Variants in CLIC4 observed in about 807,000 individuals in gnomAD.
The protein encoded by CLIC4 is chloride intracellular channel protein 4.
CLIC4 carries 13 observed loss-of-function variants against 24.6 expected under a neutral mutation model. The ratio of observed to expected loss-of-function variants is 0.53; its 90% CI spans 0.34 to 0.84. The LOEUF is 0.84. CLIC4 is among the 40% of genes least tolerant of loss of function. The probability of loss-of-function intolerance (pLI) is 0.01; values close to 1 mark genes in which losing one functional copy is unlikely to be tolerated. For missense variants in CLIC4, 227 were observed against 301.7 expected (o/e 0.75, Z 1.83); for synonymous variants, 104 against 111.3 (o/e 0.93, Z 0.41).
At chr1:24,808,656 G>GATCT (rs1344441893) in intron 2 of CLIC4, among the ~76,000 whole-genome samples, 17 of 149,680 alleles carry the variant, frequency 1.1e-4, no homozygotes, top group African/African-American at 3.4e-4. Context: ...AGAGATGGGA[G>GATCT]ATCTATCTAT....
chr1:24,745,680 GC>G, intron 1 of CLIC4, 55 bp downstream of exon 1: 1 of 1,439,632 alleles, frequency 6.9e-7, no homozygotes, highest in Non-Finnish European at 9.4e-7. Flanking sequence ...CCTCCCGGCT[GC>G]GGGGAGCGGC....
intron 1 of CLIC4, among the ~76,000 whole-genome samples, chr1:24,745,997 GC>G (rs1046847759): frequency 6.6e-6 from 1 of 150,768 alleles, no homozygotes; most frequent in African/African-American, 2.4e-5. Flanking sequence ...GGGCGCCGGG[GC>G]CCGGCCCCAC....
intron 2 of CLIC4, among the ~76,000 whole-genome samples, chr1:24,803,026 A>G (rs1051760223): frequency 2.0e-5 from 3 of 152,084 alleles, no homozygotes; most frequent in Non-Finnish European, 2.9e-5. Context: ...AATCTTTTCT[A>G]TGAGTTTACA....
chr1:24,805,097 A>AC (rs1557807927), intron 2 of CLIC4, among the ~76,000 whole-genome samples: 13 of 143,484 alleles, frequency 9.1e-5, no homozygotes, highest in South Asian at 2.3e-4. Flanking sequence ...AAAAAAAAAA[A>AC]AAAAAAAACA....
intron 3 of CLIC4, among the ~76,000 whole-genome samples, chr1:24,815,344 C>CA (rs959295878): frequency 2.0e-5 from 3 of 151,838 alleles, no homozygotes; most frequent in Non-Finnish European, 2.9e-5. Context: ...CTAAAAAATA[C>CA]AAAAAAAATT....
At chr1:24,765,457 G>A (rs1306263997) in intron 1 of CLIC4, among the ~76,000 whole-genome samples, 1 of 152,182 alleles carries the variant, frequency 6.6e-6, no homozygotes, top group Non-Finnish European at 1.5e-5. Context: ...GAAATAGGTC[G>A]AGAGGGTGAT....
chr1:24,801,526 T>G (rs759406202), intron 2 of CLIC4, among the ~76,000 whole-genome samples: 35 of 152,292 alleles, frequency 2.3e-4, no homozygotes, highest in Non-Finnish European at 4.1e-4. Flanking sequence ...CAATTTGATA[T>G]GAGATTTGGG....
chr1:24,798,613 G>A (rs932632971), intron 2 of CLIC4, among the ~76,000 whole-genome samples: 2 of 152,186 alleles, frequency 1.3e-5, no homozygotes, highest in African/African-American at 2.4e-5. Flanking sequence ...CAAGGGTTAA[G>A]AATAGTTGTA....
intron 1 of CLIC4, among the ~76,000 whole-genome samples, chr1:24,784,835 C>T (rs539785846): frequency 6.6e-6 from 1 of 152,080 alleles, no homozygotes; most frequent in Non-Finnish European, 1.5e-5. Flanking sequence ...GAAACCCCAT[C>T]TCTATTAAAA....
intron 3 of CLIC4, among the ~76,000 whole-genome samples, chr1:24,823,470 C>T (rs1436991465): frequency 6.6e-6 from 1 of 152,020 alleles, no homozygotes; most frequent in Non-Finnish European, 1.5e-5. Flanking sequence ...GTTATTAAAC[C>T]TTTTTTAAAA....
Position 24,842,975 on chromosome 1 carries a change from G to A in CLIC4, c.*2038G>A, listed in dbSNP as rs989254006. 26 of 152,282 alleles carry A rather than the reference G, an allele frequency of 1.7e-4. No homozygotes were observed. Among genetic ancestry groups the A allele is most frequent in the African/African-American group, 5.8e-4 (24 of 41,562 alleles). The allele number at this position is 152,282 out of a possible 1,614,324, so 9.4% of individuals were successfully genotyped here. A position where few individuals can be genotyped will look rare whatever the true frequency, so the allele number is the denominator to read the frequency against. ...TTCTTTCCAGTGAATGGTGGACTGA[G>A]TGGTGCGAGGTGGAGGGCTAACAAG... is the stretch of plus-strand genomic sequence containing the variant. On this transcript the variant is annotated 3_prime_UTR_variant, in exon 6 of 6. Coordinates refer to ENST00000374379, the MANE Select transcript of CLIC4 (RefSeq NM_013943.3).
chr1:24,762,254 C>A (rs1259859903), intron 1 of CLIC4, among the ~76,000 whole-genome samples: 1 of 151,810 alleles, frequency 6.6e-6, no homozygotes, highest in Non-Finnish European at 1.5e-5. Context: ...CCCATCCCTG[C>A]AAAAATAAAA....
chr1:24,835,055 C>G (rs1416886707), intron 4 of CLIC4, among the ~76,000 whole-genome samples: 1 of 151,984 alleles, frequency 6.6e-6, no homozygotes, highest in African/African-American at 2.4e-5. Context: ...TTTCTCTTGT[C>G]ACTTCTGTAG....
chr1:24,821,410 A>T (rs200319532), intron 3 of CLIC4, among the ~76,000 whole-genome samples: 1 of 152,232 alleles, frequency 6.6e-6, no homozygotes, highest in Non-Finnish European at 1.5e-5. Flanking sequence ...GAGCATATTC[A>T]TAGAAACATT....
At chr1:24,786,802 T>G (rs1293811973) in intron 1 of CLIC4, among the ~76,000 whole-genome samples, 3 of 151,996 alleles carry the variant, frequency 2.0e-5, no homozygotes, top group African/African-American at 7.2e-5. Context: ...GTATTTTTAG[T>G]AGAGACGAGG....
chr1:24,810,580 G>T (rs1639602328), intron 2 of CLIC4, among the ~76,000 whole-genome samples: 1 of 152,052 alleles, frequency 6.6e-6, no homozygotes, highest in African/African-American at 2.4e-5. Context: ...ATTAGCCTAG[G>T]CAATATGGTG....
At chr1:24,804,115 C>T (rs1639519737) in intron 2 of CLIC4, among the ~76,000 whole-genome samples, 1 of 152,016 alleles carries the variant, frequency 6.6e-6, no homozygotes, top group South Asian at 2.1e-4. Flanking sequence ...TTTCAACTTC[C>T]ATGATCTTCA....
At position 24,840,928 on chromosome 1, in the gene CLIC4, C is replaced by T. The variant is rs140961776; in HGVS notation, c.753C>T (p.Leu251=). ...EIAYSDVAKR[L]TK ...CATATAGTGATGTAGCCAAAAGACT[C>T]ACCAAGTAAAATCGCGTTTGTAAAA... The change falls in exon 6 of 6, where the codon CTC becomes CTT. Residue 251 remains leucine, a synonymous_variant. Coordinates refer to ENST00000374379, the MANE Select transcript of CLIC4 (RefSeq NM_013943.3). The T allele has an allele frequency of 4.1e-4, 649 of 1,582,804 alleles. 1 individual carries two copies. The African/African-American group carries it at 8.0e-3, about 19-fold the overall frequency.
chr1:24,756,000 T>G (rs1017064548), intron 1 of CLIC4, among the ~76,000 whole-genome samples: 1,681 of 142,220 alleles, frequency 0.012, 34 homozygotes, highest in African/African-American at 0.043. Flanking sequence ...TTTTTGATTT[T>G]TTTTTTTTTT....
Sources: gnomAD v4.1 joint callset for allele counts (sites outside exome capture counted in the v4.1 genomes callset) on GRCh38, gnomAD v4.1.1 for gene constraint, MANE v1.5 for transcripts, NCBI Gene and HGNC (gene_info 2026-07-23, HGNC 2026-07-21) for gene names.